GUCD1: variants seen among roughly 807,000 people sequenced by gnomAD.
The protein encoded by GUCD1 is protein GUCD1.
In GUCD1, 17 loss-of-function variants were observed where a neutral mutation model predicts 28.3. The observed-to-expected ratio is 0.60, with a 90% confidence interval of 0.41 to 0.90. GUCD1 has a LOEUF of 0.90. Among genes scored for constraint, GUCD1 ranks in the 40% least tolerant of loss-of-function variants. The pLI is 0.00. For synonymous variants in GUCD1, 129 were observed against 123.3 expected (o/e 1.05, Z -0.30); for missense variants, 279 against 305.5 (o/e 0.91, Z 0.65).
chr22:24,542,783 C>T lies in GUCD1; in HGVS notation c.*223G>A. ...GGCTTGGGGTCTTGGGGTATGCTTC[C>T]AGCAGCCAGCAGGTGCTTGGGGTGA... On this transcript the variant is annotated 3_prime_UTR_variant, in exon 6 of 6. Transcript: ENST00000435822. The T allele has an allele frequency of 2.0e-6, 1 of 504,948 alleles. No individual in the cohort carries two copies. Among genetic ancestry groups the T allele is most frequent in the South Asian group, 2.1e-5 (1 of 47,630 alleles). 31.3% of individuals were successfully genotyped at this position (504,948 alleles called of 1,614,324 possible). A position where few individuals can be genotyped will look rare whatever the true frequency, so the allele number is the denominator to read the frequency against.
rs116994985 is a variant in GUCD1, at chr22:24,549,237, C to T, written c.44-236G>A. 2.7e-4 allele frequency among the ~76,000 whole-genome samples: 41 copies of T among 152,370 alleles called. 1 individual carries two copies. The East Asian group carries it at 7.5e-3, about 28-fold the overall frequency. ...AAATCCTCCAGTGAGCTGGGTCCCA[C>T]ATTCCTTAAGACAATACCTCCATGG... On this transcript the variant is annotated intron_variant, in intron 1 of 5. Transcript: ENST00000435822.
chr22:24,555,289 G>GC, upstream of GUCD1: 4 of 1,391,770 alleles, frequency 2.9e-6, no homozygotes, highest in Middle Eastern at 2.7e-4. Context: ...GCGTTGAGTG[G>GC]CCCCACCCTC....
chr22:24,555,877 G>T, upstream of GUCD1: 2 of 1,519,068 alleles, frequency 1.3e-6, no homozygotes, highest in South Asian at 1.2e-5. Context: ...TAGTTTCCCA[G>T]CCGGCAGGCG....
chr22:24,553,658 T>A (rs1241826576), intron 1 of GUCD1, among the ~76,000 whole-genome samples: 1 of 152,226 alleles, frequency 6.6e-6, no homozygotes, highest in African/African-American at 2.4e-5. Flanking sequence ...TGGGCTATCT[T>A]CTGCCAGGCT....
chr22:24,544,451 C>T (rs1325901162), intron 4 of GUCD1, among the ~76,000 whole-genome samples: 1 of 152,096 alleles, frequency 6.6e-6, no homozygotes, highest in Non-Finnish European at 1.5e-5. Context: ...CCCTGTCTCT[C>T]CTCTACCCTA....
intron 4 of GUCD1, among the ~76,000 whole-genome samples, chr22:24,545,528 G>A (rs1601538161): frequency 6.6e-6 from 1 of 152,084 alleles, no homozygotes; most frequent in East Asian, 1.9e-4. Flanking sequence ...GTTGAGGGCT[G>A]CTAAATAAAC....
intron 1 of GUCD1, 51 bp downstream of exon 1, chr22:24,554,898 G>A (rs774640645): frequency 1.4e-6 from 2 of 1,418,564 alleles, no homozygotes; most frequent in Non-Finnish European, 2.0e-6. Flanking sequence ...CGCTAGGGAG[G>A]GGTCCCTTTC....
chr22:24,547,133 G>A (rs1601542010), intron 3 of GUCD1, 128 bp from the exon 4 acceptor site: 2 of 712,066 alleles, frequency 2.8e-6, no homozygotes, highest in South Asian at 1.5e-5. Flanking sequence ...CACCTGCCAG[G>A]GCAGACGGTA....
At chr22:24,555,346 C>A (rs980124226), upstream of GUCD1, 19 of 1,373,824 alleles carry the variant, frequency 1.4e-5, no homozygotes, top group Non-Finnish European at 1.7e-5. Flanking sequence ...ACGCGGGCCC[C>A]GGAAGCCCCG....
At chr22:24,555,424 C>T, upstream of GUCD1, 1 of 1,183,890 alleles carries the variant, frequency 8.4e-7, no homozygotes. Context: ...CTTCGGCAAG[C>T]CCCGCCTCTG....
At chr22:24,552,176 T>G (rs1243902904) in intron 1 of GUCD1, among the ~76,000 whole-genome samples, 1 of 152,196 alleles carries the variant, frequency 6.6e-6, no homozygotes, top group Non-Finnish European at 1.5e-5. Context: ...CTGTGAAGAA[T>G]TAAATTTCTA....
upstream of GUCD1, chr22:24,555,452 G>A (rs1368900894): frequency 3.5e-5 from 39 of 1,125,600 alleles, no homozygotes; most frequent in Non-Finnish European, 2.4e-6. Context: ...CCGCTCTTTT[G>A]CCAGTCCTAG....
Position 24,548,782 on chromosome 22 carries a change from G to C in GUCD1, c.128+135C>G, listed in dbSNP as rs16978648. The C allele has an allele frequency of 2.5e-3, 1,591 of 639,988 alleles. 24 individuals are homozygous for C. The African/African-American group carries it at 0.026, about 11-fold the overall frequency. 39.6% of individuals were successfully genotyped at this position (639,988 alleles called of 1,614,324 possible). A position where few individuals can be genotyped will look rare whatever the true frequency, so the allele number is the denominator to read the frequency against. On this transcript the variant is annotated intron_variant, in intron 2 of 5. Coordinates refer to ENST00000435822, the MANE Select transcript of GUCD1 (RefSeq NM_001284254.2). ...ACTTTTGCAGATGGGACTAGGACCA[G>C]GTAGAAGCTTGGCCTCCTGCAAGCC...
In GUCD1 at chr22:24,554,979, C is replaced by T; in HGVS notation, c.13G>A (p.Ala5Thr). 6 of 1,556,646 alleles carry T rather than the reference C, an allele frequency of 3.9e-6. No individual in the cohort carries two copies. The highest frequency in any genetic ancestry group is 5.2e-6 in the Non-Finnish European group (6 of 1,155,588). Residue 5 changes from alanine to threonine, a missense_variant, in exon 1 of 6, where the codon GCG (alanine) becomes ACG (threonine). Physicochemically the swap from Ala to Thr is moderately conservative, Grantham distance 58 (BLOSUM62 0). Coordinates refer to ENST00000435822, the MANE Select transcript of GUCD1 (RefSeq NM_001284254.2). ...TCGAGCGGCGGCCCCGCTGCCTCCG[C>T]CTCCGTCCTCATGACCCGGGCGGCG... The part of the protein sequence containing the change: MRTE[A>T]EAAGPPLEPG...
upstream of GUCD1, chr22:24,555,786 G>T: frequency 6.5e-7 from 1 of 1,549,800 alleles, no homozygotes; most frequent in Non-Finnish European, 8.7e-7. Flanking sequence ...GCTCTTTGCC[G>T]GCCCCAAGGG....
chr22:24,546,414 A>C (rs1045024735), intron 4 of GUCD1, among the ~76,000 whole-genome samples: 1 of 152,204 alleles, frequency 6.6e-6, no homozygotes, highest in Non-Finnish European at 1.5e-5. Context: ...CCCAGAAAAG[A>C]ATGTGACCCA....
At chr22:24,555,461 A>G (rs2045033363), upstream of GUCD1, 1 of 1,142,200 alleles carries the variant, frequency 8.8e-7, no homozygotes, top group African/African-American at 1.5e-5. Context: ...TGCCAGTCCT[A>G]GGTGTAAGCC....
rs2044585975 is a variant in GUCD1, at chr22:24,541,291, C to T, written c.*1715G>A. 1 of 152,546 alleles carries T rather than the reference C, an allele frequency of 6.6e-6. No individual in the cohort carries two copies. The highest frequency in any genetic ancestry group is 6.5e-5 in the Admixed American group (1 of 15,288). 9.4% of individuals were successfully genotyped at this position (152,546 alleles called of 1,614,324 possible). On this transcript the variant is annotated 3_prime_UTR_variant, in exon 6 of 6. Coordinates refer to ENST00000435822, the MANE Select transcript of GUCD1 (RefSeq NM_001284254.2). ...AAGCAATGGGCGGGGGCACAGCTGC[C>T]ACCATGCCATGCCTTGGGCATTGGA...
intron 2 of GUCD1, among the ~76,000 whole-genome samples, chr22:24,548,676 G>A (rs566669067): frequency 1.8e-4 from 28 of 152,318 alleles, no homozygotes; most frequent in African/African-American, 5.8e-4. Context: ...ACAGGCCTGG[G>A]CACCTGGGAC....
Sources: allele counts gnomAD v4.1 joint callset (sites outside exome capture counted in the v4.1 genomes callset), GRCh38; gene constraint gnomAD v4.1.1; transcripts MANE v1.5; gene names NCBI Gene and HGNC (gene_info 2026-07-23, HGNC 2026-07-21).